The following NRG3 variants were observed in gnomAD, a reference collection of about 807,000 sequenced individuals.
NRG3 encodes the protein pro-neuregulin-3, membrane-bound isoform.
NRG3 carries 31 observed loss-of-function variants against 66.9 expected under a neutral mutation model. The observed-to-expected ratio is 0.46, with a 90% CI of 0.35 to 0.63. NRG3 has a LOEUF of 0.63. Ranked by LOEUF, NRG3 falls within the 20% of genes least tolerant of loss-of-function variation. NRG3 has a pLI of 0.00. For synonymous variants in NRG3, 393 were observed against 359.4 expected, an observed-to-expected ratio of 1.09 and a Z score of -1.06; for missense variants, 910 against 878.9, an observed-to-expected ratio of 1.04 and a Z score of -0.45.
chr10:82,683,610 C>A (rs979631152), intron 2 of NRG3, among the ~76,000 whole-genome samples: 8 of 152,082 alleles, frequency 5.3e-5, no homozygotes, highest in African/African-American at 1.9e-4. Context: ...AGATTTTCAG[C>A]AAAGTTCCAA....
chr10:81,938,420 G>C (rs1416264622), intron 1 of NRG3, among the ~76,000 whole-genome samples: 1 of 148,464 alleles, frequency 6.7e-6, no homozygotes, highest in African/African-American at 2.5e-5. Context: ...ATGTCTTATA[G>C]CTTTCAGTGT....
chr10:82,265,241 G>C lies in NRG3; in HGVS notation c.824-93498G>C, dbSNP rs960901234. On this transcript the variant is annotated intron_variant, in intron 1 of 8. Transcript: ENST00000372141. Reference sequence around the variant, plus strand: ...AGTCATTCGTTTTTATCTGCATCATGATACATGTAAGGAGGTGACAGAGAT... The same window carrying C: ...AGTCATTCGTTTTTATCTGCATCATCATACATGTAAGGAGGTGACAGAGAT... 9.2e-5 allele frequency among the ~76,000 whole-genome samples: 14 copies of C among 152,282 alleles called. No homozygotes were observed. The South Asian group carries it at 2.5e-3, about 27-fold the overall frequency.
At chr10:82,858,178 G>A (rs966993181) in intron 3 of NRG3, among the ~76,000 whole-genome samples, 1 of 152,130 alleles carries the variant, frequency 6.6e-6, no homozygotes. Flanking sequence ...ACCCTATTCC[G>A]CTGTCCTTTG....
Position 82,334,549 on chromosome 10 carries a change from G to A in NRG3, c.824-24190G>A, listed in dbSNP as rs763609318. Among the ~76,000 whole-genome samples, 55 of 152,126 alleles carry A rather than the reference G, an allele frequency of 3.6e-4. 1 individual carries two copies. The highest frequency in any genetic ancestry group is 7.2e-4 in the Non-Finnish European group (49 of 68,024). On this transcript the variant is annotated intron_variant, in intron 1 of 8. Transcript: ENST00000372141. ...ATGGGCACCTTTTTAAAAATTATGG[G>A]CATTTAGTGAGTGATTTTATAAAGA...
chr10:82,864,984 G>A (rs906385920), intron 3 of NRG3, among the ~76,000 whole-genome samples: 44 of 152,060 alleles, frequency 2.9e-4, no homozygotes, highest in Non-Finnish European at 5.9e-5. Context: ...GAAATTCCTT[G>A]CTTATTCACT....
chr10:82,633,525 G>A (rs547362789), intron 2 of NRG3, among the ~76,000 whole-genome samples: 2 of 152,232 alleles, frequency 1.3e-5, no homozygotes, highest in South Asian at 2.1e-4. Context: ...TGATCTGGAG[G>A]GTGAGAAGAG....
intron 1 of NRG3, among the ~76,000 whole-genome samples, chr10:82,161,411 G>A (rs541192754): frequency 6.6e-5 from 10 of 152,188 alleles, no homozygotes; most frequent in South Asian, 4.1e-4. Context: ...CAGAAGCACC[G>A]ACTATGGGGC....
chr10:82,075,954 TAA>T lies in NRG3; in HGVS notation c.823+199801_823+199802del, dbSNP rs35298857. ...TGGGAGGAAAAAAAGTAAACATAGT[TAA>T]AAAAAAAAACGATCATTTAAAGAAG... On this transcript the variant is annotated intron_variant, in intron 1 of 8. Transcript: ENST00000372141. Among the ~76,000 whole-genome samples, 9 of 147,480 alleles carry T rather than the reference TAA, an allele frequency of 6.1e-5. No individual in the cohort carries two copies. In the East Asian group the frequency reaches 1.2e-3, roughly 19 times the overall value.
intron 1 of NRG3, among the ~76,000 whole-genome samples, chr10:82,007,994 A>C (rs184681198): frequency 6.6e-6 from 1 of 152,152 alleles, no homozygotes; most frequent in Non-Finnish European, 1.5e-5. Flanking sequence ...TTATTCCCTA[A>C]TTTTTTTATT....
At chr10:82,006,569 CTGATT>C (rs1308701651) in intron 1 of NRG3, among the ~76,000 whole-genome samples, 1 of 151,744 alleles carries the variant, frequency 6.6e-6, no homozygotes, top group African/African-American at 2.4e-5. Context: ...ATTTGTTTAC[CTGATT>C]TAAGTTATTA....
At chr10:82,146,008 T>G (rs2070226652) in intron 1 of NRG3, among the ~76,000 whole-genome samples, 1 of 152,170 alleles carries the variant, frequency 6.6e-6, no homozygotes, top group African/African-American at 2.4e-5. Context: ...TAAAATCATA[T>G]TTGCTGGGAG....
At chr10:82,582,211 G>A (rs753666565) in intron 2 of NRG3, among the ~76,000 whole-genome samples, 17 of 152,046 alleles carry the variant, frequency 1.1e-4, no homozygotes, top group Non-Finnish European at 1.9e-4. Context: ...TTGAGTATAT[G>A]AGAGTATTTG....
chr10:82,822,531 T>C (rs1053439167), intron 3 of NRG3, among the ~76,000 whole-genome samples: 2 of 152,102 alleles, frequency 1.3e-5, no homozygotes, highest in African/African-American at 4.8e-5. Flanking sequence ...ACACAATTGT[T>C]CTGAAGGTGA....
At chr10:82,035,455 G>C (rs948440082) in intron 1 of NRG3, among the ~76,000 whole-genome samples, 2 of 152,040 alleles carry the variant, frequency 1.3e-5, no homozygotes, top group Admixed American at 6.6e-5. Flanking sequence ...TAGAAAATTT[G>C]TATCCTCATT....
chr10:82,406,232 C>T (rs1012091426), intron 2 of NRG3, among the ~76,000 whole-genome samples: 3 of 152,174 alleles, frequency 2.0e-5, no homozygotes, highest in East Asian at 3.9e-4. Context: ...GGGATAATTG[C>T]AGCTGAGGAC....
intron 1 of NRG3, among the ~76,000 whole-genome samples, chr10:82,332,445 AAC>A (rs2082182140): frequency 1.3e-5 from 2 of 152,112 alleles, no homozygotes; most frequent in South Asian, 4.1e-4. Context: ...TTCACAAACT[AAC>A]ACATCTAGAA....
intron 1 of NRG3, among the ~76,000 whole-genome samples, chr10:82,283,891 C>A (rs1258757919): frequency 6.6e-6 from 1 of 152,142 alleles, no homozygotes; most frequent in Non-Finnish European, 1.5e-5. Flanking sequence ...GGAAAGGTTT[C>A]TTGAATGAGT....
At chr10:82,045,449 T>C (rs1385274271) in intron 1 of NRG3, among the ~76,000 whole-genome samples, 1 of 80,334 alleles carries the variant, frequency 1.2e-5, no homozygotes, top group African/African-American at 3.5e-5. Context: ...TTGAGTTCTT[T>C]GTAGATTCTG....
intron 2 of NRG3, among the ~76,000 whole-genome samples, chr10:82,614,344 G>A (rs978830749): frequency 1.3e-5 from 2 of 152,148 alleles, no homozygotes; most frequent in African/African-American, 4.8e-5. Context: ...TGCTCTGTTC[G>A]AATTATGTTT....
Sources: allele counts gnomAD v4.1 joint callset (sites outside exome capture counted in the v4.1 genomes callset), GRCh38; gene constraint gnomAD v4.1.1; transcripts MANE v1.5; gene names NCBI Gene and HGNC (gene_info 2026-07-23, HGNC 2026-07-21).